The following ZNF385D variants were observed in gnomAD, a reference collection of about 807,000 sequenced individuals.
ZNF385D encodes zinc finger protein 659.
ZNF385D carries 15 observed loss-of-function variants against 35.8 expected under a neutral mutation model. The ratio of observed to expected loss-of-function variants is 0.42; its 90% CI spans 0.28 to 0.64. The LOEUF is 0.64. Among genes scored for constraint, ZNF385D ranks in the 30% least tolerant of loss-of-function variants. The pLI is 0.23. For synonymous variants in ZNF385D, 212 were observed against 186.8 expected (o/e 1.13, Z -1.10); for missense variants, 474 against 494.6 (o/e 0.96, Z 0.39).
rs553233586 is a variant in ZNF385D, at chr3:21,516,957, C to T, written c.277-5934G>A. Among the ~76,000 whole-genome samples, 236 of 151,608 alleles carry T rather than the reference C, an allele frequency of 1.6e-3. 1 individual carries two copies. Among genetic ancestry groups the T allele is most frequent in the South Asian group, 5.0e-3 (24 of 4,784 alleles). On this transcript the variant is annotated intron_variant, in intron 3 of 7. Coordinates refer to ENST00000281523, the MANE Select transcript of ZNF385D (RefSeq NM_024697.3). ...CATTTCAGCCAACTGAAATGTTTTT[C>T]CCTTTTTTTGTTTTTTTAAAAAAAT...
chr3:21,785,104 G>A (rs766980330), intron 3 of ZNF385D, among the ~76,000 whole-genome samples: 1 of 152,074 alleles, frequency 6.6e-6, no homozygotes, highest in Non-Finnish European at 1.5e-5. Context: ...ACTGACCGGG[G>A]AGGTTGGACT....
intron 3 of ZNF385D, among the ~76,000 whole-genome samples, chr3:21,810,570 A>C (rs1016510253): frequency 6.6e-6 from 1 of 152,094 alleles, no homozygotes; most frequent in African/African-American, 2.4e-5. Context: ...ATGTTTATTT[A>C]TTTTTATTAA....
chr3:21,537,437 G>A (rs1274793302), intron 3 of ZNF385D, among the ~76,000 whole-genome samples: 1 of 151,960 alleles, frequency 6.6e-6, no homozygotes, highest in Admixed American at 6.6e-5. Context: ...GAGCCACCAC[G>A]CCCGGCCCAA....
intron 3 of ZNF385D, among the ~76,000 whole-genome samples, chr3:22,105,669 G>C (rs1336431685): frequency 2.0e-5 from 3 of 152,026 alleles, no homozygotes; most frequent in South Asian, 2.1e-4. Flanking sequence ...GGCCCAACCA[G>C]TAAGGCAGAG....
At chr3:22,204,466 C>T (rs1006404873) in intron 2 of ZNF385D, among the ~76,000 whole-genome samples, 1 of 151,982 alleles carries the variant, frequency 6.6e-6, no homozygotes, top group African/African-American at 2.4e-5. Context: ...TGAACATCCA[C>T]AAGCATCAAG....
In ZNF385D at chr3:21,420,610, T is replaced by C. The variant is rs1700692745; in HGVS notation, c.*604A>G. 6.6e-6 allele frequency: 1 copy of C among 152,348 alleles called. No individual in the cohort carries two copies. The highest frequency in any genetic ancestry group is 6.5e-5 in the Admixed American group (1 of 15,288). The allele number at this position is 152,348 out of a possible 1,614,324, so 9.4% of individuals were successfully genotyped here. Reference sequence around the variant, plus strand: ...CTTATTGGTATGAAATAGTTGTTCATTCTACCTTTGCAATTCTTTAAAACC... The same window carrying C: ...CTTATTGGTATGAAATAGTTGTTCACTCTACCTTTGCAATTCTTTAAAACC... On this transcript the variant is annotated 3_prime_UTR_variant, in exon 8 of 8. Coordinates refer to ENST00000281523, the MANE Select transcript of ZNF385D (RefSeq NM_024697.3).
At chr3:21,800,588 C>G (rs185076606) in intron 3 of ZNF385D, among the ~76,000 whole-genome samples, 2 of 152,270 alleles carry the variant, frequency 1.3e-5, no homozygotes, top group Admixed American at 6.5e-5. Flanking sequence ...GCTCAGGCAA[C>G]AGAGTGAGAC....
intron 3 of ZNF385D, among the ~76,000 whole-genome samples, chr3:22,128,501 A>C (rs1703577458): frequency 6.6e-6 from 1 of 152,122 alleles, no homozygotes; most frequent in East Asian, 1.9e-4. Flanking sequence ...CTTTAAGATC[A>C]ATAACTCTTA....
chr3:21,562,385 AAC>A (rs2062982638), intron 3 of ZNF385D, among the ~76,000 whole-genome samples: 1 of 152,232 alleles, frequency 6.6e-6, no homozygotes, highest in Admixed American at 6.5e-5. Context: ...CAGAATTAGA[AAC>A]ACTCCAAAAA....
chr3:22,083,807 A>G (rs1700888390), intron 3 of ZNF385D, among the ~76,000 whole-genome samples: 1 of 152,204 alleles, frequency 6.6e-6, no homozygotes, highest in African/African-American at 2.4e-5. Flanking sequence ...GAAATGAAGG[A>G]AAAAATGTTA....
At chr3:22,073,975 T>C (rs1700348281) in intron 3 of ZNF385D, among the ~76,000 whole-genome samples, 1 of 151,974 alleles carries the variant, frequency 6.6e-6, no homozygotes, top group Non-Finnish European at 1.5e-5. Flanking sequence ...CTATTCCTTG[T>C]TTCTGCTTAT....
At chr3:21,714,015 C>T (rs1366054081) in intron 1 of ZNF385D, among the ~76,000 whole-genome samples, 1 of 152,096 alleles carries the variant, frequency 6.6e-6, no homozygotes, top group Non-Finnish European at 1.5e-5. Context: ...TATAATAACA[C>T]CCACGCACAC....
intron 3 of ZNF385D, among the ~76,000 whole-genome samples, chr3:21,951,526 T>G (rs1158610366): frequency 6.6e-6 from 1 of 151,618 alleles, no homozygotes. Context: ...ATTCTTCCTA[T>G]TTGAATACCC....
At chr3:21,507,233 A>G (rs1706837485) in intron 4 of ZNF385D, among the ~76,000 whole-genome samples, 1 of 152,194 alleles carries the variant, frequency 6.6e-6, no homozygotes, top group South Asian at 2.1e-4. Flanking sequence ...TTTTCTAATT[A>G]AAGGCCATAC....
At chr3:22,289,695 C>T (rs1702200453) in intron 2 of ZNF385D, among the ~76,000 whole-genome samples, 1 of 152,244 alleles carries the variant, frequency 6.6e-6, no homozygotes, top group South Asian at 2.1e-4. Flanking sequence ...TCACACATGC[C>T]TAGTACGTCT....
chr3:21,740,902 T>C (rs1356380689), intron 1 of ZNF385D, among the ~76,000 whole-genome samples: 1 of 152,184 alleles, frequency 6.6e-6, no homozygotes, highest in Non-Finnish European at 1.5e-5. Flanking sequence ...TTCAGAGAAT[T>C]TGGTTATACT....
chr3:22,251,995 A>C (rs975582998), intron 2 of ZNF385D, among the ~76,000 whole-genome samples: 1 of 152,126 alleles, frequency 6.6e-6, no homozygotes, highest in African/African-American at 2.4e-5. Context: ...CATATTAAAC[A>C]TTCAATAAAT....
At chr3:21,437,881 A>G (rs1701651971) in intron 4 of ZNF385D, among the ~76,000 whole-genome samples, 1 of 152,110 alleles carries the variant, frequency 6.6e-6, no homozygotes, top group Non-Finnish European at 1.5e-5. Flanking sequence ...GCCCTGTACC[A>G]AGCTGTACGC....
At chr3:21,956,619 C>T (rs2125309037) in intron 3 of ZNF385D, among the ~76,000 whole-genome samples, 1 of 152,072 alleles carries the variant, frequency 6.6e-6, no homozygotes, top group Admixed American at 6.6e-5. Flanking sequence ...GGAATTTGTT[C>T]ACAGTGGTTA....
Sources: gnomAD v4.1 joint callset for allele counts (sites outside exome capture counted in the v4.1 genomes callset) on GRCh38, gnomAD v4.1.1 for gene constraint, MANE v1.5 for transcripts, NCBI Gene and HGNC (gene_info 2026-07-23, HGNC 2026-07-21) for gene names.